RAPGEF6: variants seen among roughly 807,000 people sequenced by gnomAD.
RAPGEF6 encodes the protein PDZ domain containing guanine nucleotide exchange factor (GEF) 2.
Under a neutral mutation model 171.4 loss-of-function variants are expected in RAPGEF6, and 56 were observed. The observed-to-expected ratio is 0.33, with a 90% confidence interval of 0.26 to 0.41. The LOEUF is 0.41. RAPGEF6 is among the 10% of genes least tolerant of loss of function. The pLI is 1.00. For missense variants in RAPGEF6, 1,674 were observed against 1,921.4 expected (o/e 0.87, Z 2.41); for synonymous variants, 692 against 650.1 (o/e 1.06, Z -0.98).
rs188743390 is a variant in RAPGEF6, at chr5:131,633,743, A to G, written c.69+1219T>C. 2.0e-5 allele frequency among the ~76,000 whole-genome samples: 3 copies of G among 152,310 alleles called. No homozygotes were observed. In the East Asian group the frequency reaches 5.8e-4, roughly 29 times the overall value. On this transcript the variant is annotated intron_variant, in intron 1 of 27. Transcript: ENST00000509018. ...GAGACTGTTTCAAATAAAAAATAAA[A>G]TAACATTAAATTAAATTAAATTGAA...
At chr5:131,597,173 C>A (rs1261740163) in intron 3 of RAPGEF6, among the ~76,000 whole-genome samples, 1 of 152,042 alleles carries the variant, frequency 6.6e-6, no homozygotes, top group Non-Finnish European at 1.5e-5. Context: ...CAACAAGACA[C>A]CACTTCATTC....
At chr5:131,512,274 C>A (rs1177961734) in intron 7 of RAPGEF6, among the ~76,000 whole-genome samples, 2 of 152,062 alleles carry the variant, frequency 1.3e-5, no homozygotes, top group African/African-American at 4.8e-5. Flanking sequence ...GCAGACGGGG[C>A]AGACGTACCT....
intron 5 of RAPGEF6, among the ~76,000 whole-genome samples, chr5:131,556,777 T>A (rs1354295711): frequency 6.6e-6 from 1 of 152,208 alleles, no homozygotes; most frequent in Non-Finnish European, 1.5e-5. Flanking sequence ...CTATACTTGA[T>A]GGCATATTTC....
intron 5 of RAPGEF6, 33 bp from the exon 6 acceptor site, chr5:131,548,223 T>C (rs1242906157): frequency 1.2e-6 from 2 of 1,606,450 alleles, no homozygotes; most frequent in African/African-American, 1.3e-5. Flanking sequence ...TGATGAAATA[T>C]CAAATTTTTC....
chr5:131,439,659 G>T lies in RAPGEF6; in HGVS notation c.3667C>A (p.His1223Asn). 6.2e-7 allele frequency: 1 copy of T among 1,612,740 alleles called. No homozygotes were observed. Among genetic ancestry groups the T allele is most frequent in the Non-Finnish European group, 8.5e-7 (1 of 1,179,424 alleles). Reference sequence around the variant, plus strand: ...GCCACAGAAATAGTGTCTTCTGTATGCTTCTTACCACTTATTTCTTCAGTT... The same window carrying T: ...GCCACAGAAATAGTGTCTTCTGTATTCTTCTTACCACTTATTTCTTCAGTT... ...GTTEEISGKK[H>N]TEDTISVASS... Residue 1223 changes from histidine (H) to asparagine (N), a missense_variant, in exon 24 of 28, where the codon CAT becomes AAT. By Grantham distance (68) the His-to-Asn change is moderately conservative. Around this residue, in one of 3 missense-constraint regions of RAPGEF6, gnomAD observed 552 missense variants for 574.2 expected, o/e 0.96. Coordinates refer to ENST00000509018, the MANE Select transcript of RAPGEF6 (RefSeq NM_016340.6).
chr5:131,529,629 GGCTGGACACAGTGGCTCAT>G (rs1759232185), intron 6 of RAPGEF6, among the ~76,000 whole-genome samples: 1 of 151,960 alleles, frequency 6.6e-6, no homozygotes, highest in Admixed American at 6.6e-5. Flanking sequence ...ATAAAACAAA[GGCTGGACACAGTGGCTCAT>G]GCCTGTAATC....
chr5:131,618,582 G>A (rs1465294862), intron 1 of RAPGEF6, among the ~76,000 whole-genome samples: 1 of 151,944 alleles, frequency 6.6e-6, no homozygotes, highest in African/African-American at 2.4e-5. Context: ...AGGCTGCAGT[G>A]AGCCAAGATC....
At chr5:131,617,309 A>C (rs72791111) in intron 1 of RAPGEF6, among the ~76,000 whole-genome samples, 429 of 23,504 alleles carry the variant, frequency 0.018, 2 homozygotes, top group African/African-American at 0.024. Context: ...CACACACACA[A>C]AAAAAAACCC....
chr5:131,622,054 C>T (rs1208724225), intron 1 of RAPGEF6, among the ~76,000 whole-genome samples: 3 of 152,076 alleles, frequency 2.0e-5, no homozygotes, highest in Admixed American at 6.6e-5. Context: ...TAATATTTAC[C>T]GCACAAATGT....
At chr5:131,450,187 T>C in intron 21 of RAPGEF6, 2 of 896,094 alleles carry the variant, frequency 2.2e-6, no homozygotes, top group Non-Finnish European at 3.5e-6. Flanking sequence ...AGCTTAACAG[T>C]AAAATGACTT....
intron 16 of RAPGEF6, among the ~76,000 whole-genome samples, chr5:131,474,966 A>G (rs1020452562): frequency 6.6e-6 from 1 of 152,232 alleles, no homozygotes; most frequent in Non-Finnish European, 1.5e-5. Flanking sequence ...AAGGGAATTA[A>G]CTGCATCAAC....
At chr5:131,634,076 T>A (rs1322102083) in intron 1 of RAPGEF6, among the ~76,000 whole-genome samples, 1 of 152,228 alleles carries the variant, frequency 6.6e-6, no homozygotes, top group Non-Finnish European at 1.5e-5. Context: ...AGACTCAGTA[T>A]GCAAAACACT....
chr5:131,567,136 T>C (rs1251659505), intron 4 of RAPGEF6, among the ~76,000 whole-genome samples: 4 of 152,232 alleles, frequency 2.6e-5, no homozygotes, highest in Non-Finnish European at 5.9e-5. Context: ...TAAAATTTCT[T>C]TAGGATGTTA....
intron 7 of RAPGEF6, among the ~76,000 whole-genome samples, chr5:131,520,678 G>A (rs1043007623): frequency 1.3e-5 from 2 of 151,988 alleles, no homozygotes; most frequent in African/African-American, 2.4e-5. Flanking sequence ...CAACCACTGG[G>A]CTCCACACCC....
chr5:131,433,450 A>C lies in RAPGEF6; in HGVS notation c.3954T>G (p.Asp1318Glu). ...EKTEHASGIG[D>E]HSQHGPGWTL... ...CTTACCCAGGGCCATGTTGACTATG[A>C]TCTCCTATCCCTGAAGCGTGCTCTG... is the stretch of plus-strand genomic sequence containing the variant. Residue 1318 changes from aspartate (D) to glutamate (E), a missense_variant, in exon 25 of 28, where the codon GAT becomes GAG. Physicochemically the swap from Asp to Glu is conservative, Grantham distance 45. Coordinates refer to ENST00000509018, the MANE Select transcript of RAPGEF6 (RefSeq NM_016340.6). The C allele has an allele frequency of 1.2e-6, 2 of 1,612,494 alleles. No individual in the cohort carries two copies. The highest frequency in any genetic ancestry group is 1.7e-6 in the Non-Finnish European group (2 of 1,178,500).
intron 21 of RAPGEF6, 112 bp from the exon 22 acceptor site, chr5:131,446,815 G>A: frequency 1.0e-6 from 1 of 980,768 alleles, no homozygotes. Flanking sequence ...TGATGTAAAT[G>A]AGTTAAAAGA....
intron 7 of RAPGEF6, among the ~76,000 whole-genome samples, chr5:131,517,786 C>CACACGT (rs1554078018): frequency 2.6e-4 from 6 of 22,950 alleles, no homozygotes; most frequent in African/African-American, 4.1e-4. Context: ...CATGTACACA[C>CACACGT]ACACACACAC....
intron 1 of RAPGEF6, among the ~76,000 whole-genome samples, chr5:131,606,029 C>CAAAAAAAAAAAAA (rs1168486376): frequency 1.4e-5 from 1 of 70,584 alleles, no homozygotes; most frequent in East Asian, 8.1e-4. Context: ...GACTCCATCT[C>CAAAAAAAAAAAAA]AAAAAAAAAA....
rs1048532581 is a variant in RAPGEF6, at chr5:131,450,033, G to A, written c.3200+3021C>T. 1.9e-6 allele frequency: 3 copies of A among 1,543,564 alleles called. No homozygotes were observed. The highest frequency in any genetic ancestry group is 2.6e-6 in the Non-Finnish European group (3 of 1,149,928). On this transcript the variant is annotated intron_variant, in intron 21 of 27. Coordinates refer to ENST00000509018, the MANE Select transcript of RAPGEF6 (RefSeq NM_016340.6). ...CATCTCTACACTTACCCCAGACTCC[G>A]CCACCTCTTCTTCCTGTAAGCAAGA...
Sources: gnomAD v4.1 joint callset for allele counts (sites outside exome capture counted in the v4.1 genomes callset) on GRCh38, gnomAD v4.1.1 for gene constraint, gnomAD v4.1.1 regional missense constraint, MANE v1.5 for transcripts, NCBI Gene and HGNC (gene_info 2026-07-23, HGNC 2026-07-21) for gene names.